Variants in DLG2 observed in about 807,000 individuals in gnomAD.
DLG2 encodes the protein discs large MAGUK scaffold protein 2.
Under a neutral mutation model 132.5 loss-of-function variants are expected in DLG2, and 45 were observed. The ratio of observed to expected loss-of-function variants is 0.34; its 90% CI spans 0.27 to 0.44. The LOEUF is 0.44. Among genes scored for constraint, DLG2 ranks in the 20% least tolerant of loss-of-function variants. DLG2 has a pLI of 1.00. For synonymous variants in DLG2, 424 were observed against 419.6 expected (o/e 1.01, Z -0.13); for missense variants, 1,045 against 1,196.9 (o/e 0.87, Z 1.87).
At chr11:85,040,321 C>A (rs2154149100) in intron 6 of DLG2, among the ~76,000 whole-genome samples, 1 of 151,994 alleles carries the variant, frequency 6.6e-6, no homozygotes, top group East Asian at 1.9e-4. Context: ...AAAAGCAACA[C>A]AAATACTTCT....
At chr11:84,821,254 T>A (rs1217782384) in intron 6 of DLG2, among the ~76,000 whole-genome samples, 2 of 151,812 alleles carry the variant, frequency 1.3e-5, no homozygotes, top group Non-Finnish European at 2.9e-5. Context: ...ACTACAATCT[T>A]ATGATTCATG....
At chr11:85,020,500 A>G (rs1415030904) in intron 6 of DLG2, among the ~76,000 whole-genome samples, 3 of 151,964 alleles carry the variant, frequency 2.0e-5, no homozygotes, top group Non-Finnish European at 4.4e-5. Context: ...TTTTGTTCCC[A>G]TTGCTTTTGG....
At chr11:84,911,716 C>T (rs1260868690) in intron 6 of DLG2, among the ~76,000 whole-genome samples, 1 of 152,074 alleles carries the variant, frequency 6.6e-6, no homozygotes, top group Non-Finnish European at 1.5e-5. Context: ...AATATCTTAA[C>T]ATAAAAATAT....
intron 3 of DLG2, among the ~76,000 whole-genome samples, chr11:85,318,957 A>G (rs2080871113): frequency 6.6e-6 from 1 of 151,874 alleles, no homozygotes; most frequent in South Asian, 2.1e-4. Flanking sequence ...GCCATCACTA[A>G]CAAAAGCAAC....
At chr11:83,685,646 C>A (rs879656258) in intron 18 of DLG2, among the ~76,000 whole-genome samples, 27 of 152,170 alleles carry the variant, frequency 1.8e-4, no homozygotes, top group Admixed American at 1.2e-3. Context: ...GGCTAGCCAT[C>A]CGGTATCAAG....
At chr11:84,830,904 G>A (rs1319236736) in intron 6 of DLG2, among the ~76,000 whole-genome samples, 1 of 150,864 alleles carries the variant, frequency 6.6e-6, no homozygotes, top group East Asian at 2.0e-4. Flanking sequence ...GTACAGTTGT[G>A]TATAAAACTT....
chr11:85,161,155 G>T (rs1417719198), intron 4 of DLG2, among the ~76,000 whole-genome samples: 1 of 152,204 alleles, frequency 6.6e-6, no homozygotes, highest in Non-Finnish European at 1.5e-5. Context: ...GCATGGGATT[G>T]CTCTCCAATG....
At chr11:85,047,230 C>G (rs897584421) in intron 6 of DLG2, among the ~76,000 whole-genome samples, 4 of 151,786 alleles carry the variant, frequency 2.6e-5, no homozygotes, top group African/African-American at 9.7e-5. Context: ...GATTGTTGTC[C>G]CTCGATTTTA....
chr11:85,306,293 C>T (rs2079936883), intron 3 of DLG2, among the ~76,000 whole-genome samples: 1 of 152,182 alleles, frequency 6.6e-6, no homozygotes, highest in South Asian at 2.1e-4. Context: ...GTACCTGCCA[C>T]TGCTTTGTGT....
At chr11:84,187,091 T>A (rs560415526) in intron 8 of DLG2, among the ~76,000 whole-genome samples, 4 of 149,988 alleles carry the variant, frequency 2.7e-5, no homozygotes, top group African/African-American at 9.7e-5. Context: ...TTTTTAAGTA[T>A]AAAATAAATT....
Position 85,078,994 on chromosome 11 carries a change from A to C in DLG2, c.357+32667T>G, listed in dbSNP as rs141807474. Reference sequence around the variant, plus strand: ...CCTCAGAACATGCACCCAAGGTAGTACAGCAAAAGCTTTCTTTTATGTGTT... The same window carrying C: ...CCTCAGAACATGCACCCAAGGTAGTCCAGCAAAAGCTTTCTTTTATGTGTT... On this transcript the variant is annotated intron_variant, in intron 6 of 27. Coordinates refer to ENST00000376104, the MANE Select transcript of DLG2 (RefSeq NM_001142699.3). 1.1e-3 allele frequency among the ~76,000 whole-genome samples: 159 copies of C among 149,480 alleles called. 1 individual carries two copies. The highest frequency in any genetic ancestry group is 3.8e-3 in the African/African-American group (154 of 40,736).
intron 6 of DLG2, among the ~76,000 whole-genome samples, chr11:84,672,254 C>T (rs35838738): frequency 0.073 from 11,075 of 152,064 alleles, 1,231 homozygotes; most frequent in African/African-American, 0.24. Context: ...CAGAAAGCTT[C>T]TTCAAGAGAG....
chr11:84,681,827 G>GAA (rs1226271556), intron 6 of DLG2, among the ~76,000 whole-genome samples: 4 of 140,840 alleles, frequency 2.8e-5, no homozygotes, highest in African/African-American at 7.8e-5. Context: ...GAACCTTATT[G>GAA]AAAAAAAAAA....
Position 84,350,180 on chromosome 11 carries a change from C to CCT in DLG2, c.520-98890_520-98889insAG, listed in dbSNP as rs1555518927. ...GCGACAGAGAGAGACTTCGTCCCCC[C>CCT]CCCCAAAAAAAAAAAAAAAAAATCC... On this transcript the variant is annotated intron_variant, in intron 7 of 27. Coordinates refer to ENST00000376104, the MANE Select transcript of DLG2 (RefSeq NM_001142699.3). 1.4e-4 allele frequency among the ~76,000 whole-genome samples: 20 copies of CCT among 143,528 alleles called. No homozygotes were observed. The South Asian group carries it at 4.5e-3, about 32-fold the overall frequency. 94.2% of individuals were successfully genotyped at this position (143,528 alleles called of 152,430 possible). A position where few individuals can be genotyped will look rare whatever the true frequency, so the allele number is the denominator to read the frequency against.
Position 84,895,658 on chromosome 11 carries a change from G to T in DLG2, c.357+216003C>A, listed in dbSNP as rs11600059. 5.9e-5 allele frequency among the ~76,000 whole-genome samples: 9 copies of T among 152,172 alleles called. No homozygotes were observed. The South Asian group carries it at 1.7e-3, about 28-fold the overall frequency. ...GTTTTTTAGTTTTATTAGTTTTATT[G>T]TAAGGGGAGTTTCACAAAGTTTAAG... On this transcript the variant is annotated intron_variant, in intron 6 of 27. Coordinates refer to ENST00000376104, the MANE Select transcript of DLG2 (RefSeq NM_001142699.3).
intron 6 of DLG2, among the ~76,000 whole-genome samples, chr11:84,834,319 C>T (rs186213315): frequency 2.2e-4 from 33 of 151,696 alleles, no homozygotes; most frequent in Admixed American, 3.3e-4. Context: ...ATCTCCATCA[C>T]CTGGGAATGA....
rs569700475 is a variant in DLG2 at position 84,639,296 on chromosome 11, T to C, written c.358-104565A>G. On this transcript the variant is annotated intron_variant, in intron 6 of 27. Coordinates refer to ENST00000376104, the MANE Select transcript of DLG2 (RefSeq NM_001142699.3). ...TATTGGATGTTTTATACTGAACATATTTTTCATGTTCTGAAATGGCAATAC... is the reference window on the plus strand; with the variant it reads ...TATTGGATGTTTTATACTGAACATACTTTTCATGTTCTGAAATGGCAATAC... 2.0e-5 allele frequency among the ~76,000 whole-genome samples: 3 copies of C among 152,224 alleles called. No individual in the cohort carries two copies. In the East Asian group the frequency reaches 5.8e-4, roughly 29 times the overall value.
chr11:85,030,076 C>T (rs1398421327), intron 6 of DLG2, among the ~76,000 whole-genome samples: 1 of 152,224 alleles, frequency 6.6e-6, no homozygotes, highest in Non-Finnish European at 1.5e-5. Context: ...GCACTGGAGT[C>T]TACCCTAGCG....
At chr11:84,857,427 AT>A (rs946279098) in intron 6 of DLG2, among the ~76,000 whole-genome samples, 9 of 150,910 alleles carry the variant, frequency 6.0e-5, no homozygotes, top group Non-Finnish European at 7.4e-5. Flanking sequence ...AGTAGTATTG[AT>A]TTTTTTTTAA....
Sources: gnomAD v4.1 joint callset for allele counts (sites outside exome capture counted in the v4.1 genomes callset) on GRCh38, gnomAD v4.1.1 for gene constraint, MANE v1.5 for transcripts, NCBI Gene and HGNC (gene_info 2026-07-23, HGNC 2026-07-21) for gene names.